The following SH3TC1 variants were observed in gnomAD, a reference collection of about 807,000 sequenced individuals.
SH3TC1 encodes the protein SH3 domain and tetratricopeptide repeats 1, also known as SH3 domain and tetratricopeptide repeat-containing protein 1.
A neutral mutation model predicts 117.3 loss-of-function variants in SH3TC1; 135 were observed. The observed-to-expected ratio is 1.15, with a 90% CI of 1.00 to 1.33. SH3TC1 has a LOEUF of 1.33. SH3TC1 is among the 40% of genes most tolerant of loss of function. The pLI, the probability that SH3TC1 is intolerant of heterozygous loss-of-function variation, is 0.00. For missense variants in SH3TC1, 2,092 were observed against 1,794.3 expected, an observed-to-expected ratio of 1.17 and a Z score of -3.00; for synonymous variants, 898 against 816.9, an observed-to-expected ratio of 1.10 and a Z score of -1.69.
rs958705777 is a variant in SH3TC1 at position 8,207,000 on chromosome 4, T to A, written c.172+1634T>A. Among the ~76,000 whole-genome samples the A allele has an allele frequency of 1.1e-4, 16 of 151,462 alleles. No homozygotes were observed. Among genetic ancestry groups the A allele is most frequent in the African/African-American group, 3.6e-4 (15 of 41,202 alleles). ...TGTAATTATTTCAATGTTAATTCCCTGCTTTTAATAACACCATCACCTCAT... is the reference window on the plus strand; with the variant it reads ...TGTAATTATTTCAATGTTAATTCCCAGCTTTTAATAACACCATCACCTCAT... On this transcript the variant is annotated intron_variant, in intron 2 of 17. Transcript: ENST00000245105. This position sits in a 1 kb window ranked among gnomAD's most constrained non-coding sequence, Gnocchi z 5.5.
intron 5 of SH3TC1, among the ~76,000 whole-genome samples, chr4:8,214,840 T>C (rs1345356095): frequency 6.6e-6 from 1 of 152,194 alleles, no homozygotes; most frequent in African/African-American, 2.4e-5. Flanking sequence ...CGAGCTACCA[T>C]GCCCAGCTAA....
intron 5 of SH3TC1, 49 bp downstream of exon 5, chr4:8,214,629 G>T: frequency 7.0e-7 from 1 of 1,435,540 alleles, no homozygotes. Flanking sequence ...CCCGTCGGAA[G>T]GTGCTGGTTA....
intron 1 of SH3TC1, among the ~76,000 whole-genome samples, chr4:8,185,623 T>C (rs1302511327): frequency 6.6e-6 from 1 of 152,232 alleles, no homozygotes; most frequent in Admixed American, 6.5e-5. Context: ...TTAATACGTC[T>C]CAGGGATCTT....
At chr4:8,189,600 C>T (rs972050863) in intron 1 of SH3TC1, among the ~76,000 whole-genome samples, 1 of 152,140 alleles carries the variant, frequency 6.6e-6, no homozygotes, top group East Asian at 1.9e-4. Context: ...TTGGATGTAA[C>T]CAGGTGGGGA....
In SH3TC1 at chr4:8,236,423, C is replaced by T; in HGVS notation, c.3551C>T (p.Thr1184Ile). 2 of 1,477,272 alleles carry T rather than the reference C, an allele frequency of 1.4e-6. No individual in the cohort carries two copies. The highest frequency in any genetic ancestry group is 2.7e-5 in the South Asian group (2 of 75,054). The allele number at this position is 1,477,272 out of a possible 1,614,324, so 91.5% of individuals were successfully genotyped here. Residue 1184 changes from threonine to isoleucine, a missense_variant, in exon 16 of 18, where the codon ACC (threonine) becomes ATC (isoleucine). Thr to Ile is a moderately conservative substitution (Grantham distance 89). Transcript: ENST00000245105. Reference sequence around the variant, plus strand: ...CACATGGCCCTAGCACTCAGCATCACCCTGGGTAAGCCCCCTGAGCCCCTG... The same window carrying T: ...CACATGGCCCTAGCACTCAGCATCATCCTGGGTAAGCCCCCTGAGCCCCTG... ...FAHMALALSI[T>I]LGDRLNERVA...
chr4:8,217,742 C>T (rs1027411005), intron 7 of SH3TC1, among the ~76,000 whole-genome samples: 3 of 152,242 alleles, frequency 2.0e-5, no homozygotes, highest in African/African-American at 7.2e-5. Flanking sequence ...GTGCTCTGGC[C>T]AGTGGTGTCC....
At position 8,205,244 on chromosome 4, in the gene SH3TC1, G is replaced by A. The variant is rs1222718886; in HGVS notation, c.50G>A (p.Arg17Lys). The change falls in exon 2 of 18, where the codon AGG becomes AAG. Residue 17 changes from arginine (R) to lysine (K), a missense_variant. Coordinates refer to ENST00000245105, the MANE Select transcript of SH3TC1 (RefSeq NM_018986.5). The surrounding 1 kb of genome is among the most constrained non-coding windows in gnomAD (Gnocchi z 5.4). ...VTTEEPTPMGRGPVGPSGGGS... is the reference protein window; with the variant it reads ...VTTEEPTPMGKGPVGPSGGGS... ...ACTGAGGAGCCGACCCCCATGGGGA[G>A]GGGTCCTGTGGGACCCTCAGGAGGT... 1.3e-6 allele frequency: 2 copies of A among 1,549,912 alleles called. No individual in the cohort carries two copies. The highest frequency in any genetic ancestry group is 1.7e-6 in the Non-Finnish European group (2 of 1,147,024).
rs1477614561 is a variant in SH3TC1 at position 8,240,701 on chromosome 4, C to T, written c.3757C>T (p.Pro1253Ser). Residue 1253 changes from proline to serine, a missense_variant, in exon 18 of 18, where the codon CCG (proline) becomes TCG (serine). By Grantham distance (74) the Pro-to-Ser change is moderately conservative. Transcript: ENST00000245105. ...GDIIFYDLKD[P>S]FDAAGYYQLA... is the part of the protein sequence containing the mutation. Reference sequence around the variant, plus strand: ...GAGCATGGCCTGTCCCCTTCAGGACCCGTTTGATGCAGCCGGGTACTACCA... The same window carrying T: ...GAGCATGGCCTGTCCCCTTCAGGACTCGTTTGATGCAGCCGGGTACTACCA... 6.2e-7 allele frequency: 1 copy of T among 1,613,978 alleles called. No individual in the cohort carries two copies. Among genetic ancestry groups the T allele is most frequent in the Middle Eastern group, 1.7e-4 (1 of 6,058 alleles).
At position 8,225,301 on chromosome 4, in the gene SH3TC1, G is replaced by A. The variant is rs184822306; in HGVS notation, c.1285+85G>A. 498 of 1,460,840 alleles carry A rather than the reference G, an allele frequency of 3.4e-4. 6 individuals are homozygous for A. The East Asian group carries it at 9.6e-3, about 28-fold the overall frequency. The allele number at this position is 1,460,840 out of a possible 1,614,324, so 90.5% of individuals were successfully genotyped here. On this transcript the variant is annotated intron_variant, in intron 11 of 17. Coordinates refer to ENST00000245105, the MANE Select transcript of SH3TC1 (RefSeq NM_018986.5). This position sits in a 1 kb window ranked among gnomAD's most constrained non-coding sequence, Gnocchi z 5.5. ...TGGGGGAGGTGACAAAGCTGAGCACGGTGGGCATTGGGTGCGGCTGTCACC... is the reference window on the plus strand; with the variant it reads ...TGGGGGAGGTGACAAAGCTGAGCACAGTGGGCATTGGGTGCGGCTGTCACC...
intron 1 of SH3TC1, among the ~76,000 whole-genome samples, chr4:8,203,925 G>A (rs76311658): frequency 0.014 from 2,142 of 152,296 alleles, 59 homozygotes; most frequent in African/African-American, 0.049. Context: ...GGAAGTGGGA[G>A]ATGGGGATAA....
At chr4:8,193,810 G>C (rs966352782) in intron 1 of SH3TC1, among the ~76,000 whole-genome samples, 3 of 152,208 alleles carry the variant, frequency 2.0e-5, no homozygotes, top group Non-Finnish European at 2.9e-5. Flanking sequence ...GCAGTTTCCT[G>C]TGAGGGATGC....
rs2152991290 is a variant in SH3TC1, at chr4:8,227,182, A to G, written c.1488A>G (p.Pro496=). Residue 496 remains proline, a synonymous_variant, in exon 12 of 18, where the codon CCA becomes CCG. Transcript: ENST00000245105. ...AAGCCGAGGACGACTGGGAGGACCC[A>G]GAGGCCCTGAGCTCACTGCTGCTGT... is the stretch of plus-strand genomic sequence containing the variant. ...CLEAEDDWED[P]EALSSLLLFL... 1 of 1,591,934 alleles carries G rather than the reference A, an allele frequency of 6.3e-7. No individual in the cohort carries two copies. Among genetic ancestry groups the G allele is most frequent in the Non-Finnish European group, 8.6e-7 (1 of 1,168,984 alleles).
At chr4:8,218,240 C>A in intron 7 of SH3TC1, 31 bp from the exon 8 acceptor site, 1 of 1,580,818 alleles carries the variant, frequency 6.3e-7, no homozygotes, top group Non-Finnish European at 8.7e-7. Flanking sequence ...TCTGAAATCC[C>A]GCAGCAAAGA....
intron 9 of SH3TC1, among the ~76,000 whole-genome samples, chr4:8,220,792 G>A (rs1719843520): frequency 6.6e-6 from 1 of 152,184 alleles, no homozygotes; most frequent in South Asian, 2.1e-4. Flanking sequence ...GCCTCATCAA[G>A]CCGTTCACTT....
intron 1 of SH3TC1, among the ~76,000 whole-genome samples, chr4:8,185,860 G>A (rs1188486838): frequency 6.6e-6 from 1 of 152,208 alleles, no homozygotes; most frequent in African/African-American, 2.4e-5. Flanking sequence ...CACAGTCGTG[G>A]TTTTATGAGC....
At chr4:8,224,965 T>G (rs1720321935) in intron 10 of SH3TC1, 1 of 587,212 alleles carries the variant, frequency 1.7e-6, no homozygotes, top group East Asian at 2.9e-5. Context: ...GCTCCTATGC[T>G]GGTTGCACCT....
Position 8,205,701 on chromosome 4 carries a change from C to A in SH3TC1, c.172+335C>A. On this transcript the variant is annotated intron_variant, in intron 2 of 17. Transcript: ENST00000245105. The surrounding 1 kb of genome is among the most constrained non-coding windows in gnomAD (Gnocchi z 5.4). The stretch of plus-strand genomic sequence containing the variant: ...AGTCCGATGGGTTTGGCCTTGGAAC[C>A]CCTGAGAGTCCTCAGGATGAGGCAT... 1.4e-6 allele frequency: 1 copy of A among 715,928 alleles called. No homozygotes were observed. Among genetic ancestry groups the A allele is most frequent in the Non-Finnish European group, 2.6e-6 (1 of 390,148 alleles). 44.3% of individuals were successfully genotyped at this position (715,928 alleles called of 1,614,324 possible).
At chr4:8,198,583 T>G (rs1717639207), upstream of SH3TC1, among the ~76,000 whole-genome samples, 1 of 152,220 alleles carries the variant, frequency 6.6e-6, no homozygotes, top group Non-Finnish European at 1.5e-5. Context: ...GATTACGTGC[T>G]TTGGCCTTGG....
rs542632113 is a variant in SH3TC1, at chr4:8,186,943, CAAAA to C, written c.-57+4748_-57+4751del. 3.4e-5 allele frequency among the ~76,000 whole-genome samples: 3 copies of C among 88,220 alleles called. No individual in the cohort carries two copies. The highest frequency in any genetic ancestry group is 1.3e-4 in the Admixed American group (1 of 7,452). 57.9% of individuals were successfully genotyped at this position (88,220 alleles called of 152,430 possible). A position where few individuals can be genotyped will look rare whatever the true frequency, so the allele number is the denominator to read the frequency against. ...TGGGTGACAGGGCAAGACTACGTCT[CAAAA>C]AAAAAAAAAAAAAAGGACATGCTCC... On this transcript the variant is annotated intron_variant, in intron 1 of 16. Coordinates refer to the SH3TC1 transcript ENST00000508641. This position sits in a 1 kb window ranked among gnomAD's most constrained non-coding sequence, Gnocchi z 5.2.
Sources: gnomAD v4.1 joint callset for allele counts (sites outside exome capture counted in the v4.1 genomes callset) on GRCh38, gnomAD v4.1.1 for gene constraint, Gnocchi (gnomAD v3.1) non-coding constraint, MANE v1.5 for transcripts, NCBI Gene and HGNC (gene_info 2026-07-23, HGNC 2026-07-21) for gene names.